The following KIF2A variants were observed in gnomAD, a reference collection of about 807,000 sequenced individuals.
KIF2A encodes kinesin-like protein KIF2A.
Under a neutral mutation model 100.2 loss-of-function variants are expected in KIF2A, and 22 were observed. The ratio of observed to expected loss-of-function variants is 0.22; its 90% CI spans 0.16 to 0.31. The LOEUF (loss-of-function observed/expected upper bound fraction) is 0.31, where lower values mean the gene tolerates loss of function less well. Among genes scored for constraint, KIF2A ranks in the 10% least tolerant of loss-of-function variants. The pLI, the probability that KIF2A is intolerant of heterozygous loss-of-function variation, is 1.00. For synonymous variants in KIF2A, 268 were observed against 285.9 expected, an observed-to-expected ratio of 0.94 and a Z score of 0.63; for missense variants, 495 against 898.7, an observed-to-expected ratio of 0.55 and a Z score of 5.74.
chr5:62,306,491 G>C lies in KIF2A; in HGVS notation c.19G>C (p.Gly7Arg), dbSNP rs552269440. Reference protein sequence around the residue: MATANFGKIQIGIYVEI... With the variant: MATANFRKIQIGIYVEI... ...TGAGGTGATGGCAACGGCCAACTTC[G>C]GCAAGATCCAGATCGGGATTTACGT... Residue 7 changes from glycine to arginine, a missense_variant, in exon 1 of 21, where the codon GGC (glycine) becomes CGC (arginine). Around this residue, in one of 10 missense-constraint regions of KIF2A, gnomAD observed 26 missense variants for 16.4 expected, o/e 1.59. Coordinates refer to ENST00000407818, the MANE Select transcript of KIF2A (RefSeq NM_001098511.3). 1.1e-5 allele frequency: 17 copies of C among 1,545,498 alleles called. No homozygotes were observed. The East Asian group carries it at 2.7e-4, about 25-fold the overall frequency.
intron 1 of KIF2A, among the ~76,000 whole-genome samples, chr5:62,315,953 A>G (rs1451308610): frequency 6.6e-6 from 1 of 152,222 alleles, no homozygotes; most frequent in Non-Finnish European, 1.5e-5. Flanking sequence ...TAAAGGGCAG[A>G]TGAGTTGAAA....
At chr5:62,348,433 G>C (rs893752236) in intron 3 of KIF2A, among the ~76,000 whole-genome samples, 5 of 152,150 alleles carry the variant, frequency 3.3e-5, no homozygotes, top group African/African-American at 1.2e-4. Context: ...AGGAGATATA[G>C]ATCAAAACCA....
chr5:62,335,669 C>T (rs264523), intron 1 of KIF2A, among the ~76,000 whole-genome samples: 78,005 of 151,906 alleles, frequency 0.51, 20,957 homozygotes, highest in South Asian at 0.65. Flanking sequence ...ATTGCCAGCT[C>T]CTCCTCACCA....
At chr5:62,382,820 T>C (rs2112011504) in intron 20 of KIF2A, among the ~76,000 whole-genome samples, 1 of 151,670 alleles carries the variant, frequency 6.6e-6, no homozygotes, top group African/African-American at 2.4e-5. Flanking sequence ...CTAGACGGGG[T>C]TTCACCATGT....
rs1580118133 is a variant in KIF2A, at chr5:62,390,319, A to G, written c.*4750A>G. 1.3e-5 allele frequency among the ~76,000 whole-genome samples: 2 copies of G among 152,300 alleles called. No individual in the cohort carries two copies. Among genetic ancestry groups the G allele is most frequent in the East Asian group, 3.9e-4 (2 of 5,182 alleles). On this transcript the variant is annotated 3_prime_UTR_variant, in exon 21 of 21. Coordinates refer to ENST00000407818, the MANE Select transcript of KIF2A (RefSeq NM_001098511.3). ...TCAAGCAAAACAAATTTTGGTCTAA[A>G]TTACCTAGATAATTATGACAGCTTT...
chr5:62,313,756 A>T (rs923150723), intron 1 of KIF2A, among the ~76,000 whole-genome samples: 1 of 151,922 alleles, frequency 6.6e-6, no homozygotes, highest in Non-Finnish European at 1.5e-5. Context: ...TCTAGTACCT[A>T]TTTGAGTTAT....
intron 14 of KIF2A, among the ~76,000 whole-genome samples, chr5:62,364,671 T>A (rs1740984106): frequency 6.6e-6 from 1 of 152,224 alleles, no homozygotes; most frequent in Non-Finnish European, 1.5e-5. Context: ...TTTACAGTTA[T>A]CCTACTGCCT....
At chr5:62,354,117 T>C (rs141925981) in intron 6 of KIF2A, among the ~76,000 whole-genome samples, 39 of 152,316 alleles carry the variant, frequency 2.6e-4, no homozygotes, top group African/African-American at 9.4e-4. Context: ...GTTGTGGAAT[T>C]GTGGACCTAG....
chr5:62,338,245 TAAC>T (rs1353859668), intron 1 of KIF2A, among the ~76,000 whole-genome samples: 1 of 152,186 alleles, frequency 6.6e-6, no homozygotes, highest in East Asian at 1.9e-4. Flanking sequence ...CATATAAAAA[TAAC>T]AAAATGCCAA....
intron 18 of KIF2A, among the ~76,000 whole-genome samples, chr5:62,374,107 C>A (rs1190319633): frequency 6.6e-6 from 1 of 152,098 alleles, no homozygotes. Context: ...AGCTACTAGG[C>A]AGGCTGAGGT....
intron 11 of KIF2A, chr5:62,362,223 A>G: frequency 6.0e-6 from 1 of 167,346 alleles, no homozygotes; most frequent in Non-Finnish European, 1.3e-5. Flanking sequence ...TTATAAATAT[A>G]AATATTAATA....
intron 1 of KIF2A, among the ~76,000 whole-genome samples, chr5:62,330,286 G>A (rs1270463243): frequency 1.3e-5 from 2 of 152,150 alleles, no homozygotes; most frequent in Non-Finnish European, 2.9e-5. Context: ...AGAAGGCAGA[G>A]GTTTCAGTGA....
intron 1 of KIF2A, among the ~76,000 whole-genome samples, chr5:62,322,132 A>G (rs777267137): frequency 7.3e-5 from 11 of 150,698 alleles, no homozygotes; most frequent in Non-Finnish European, 1.5e-4. Flanking sequence ...AGGTCTCACT[A>G]TGTTACCCAG....
intron 1 of KIF2A, chr5:62,306,840 A>C (rs541319871): frequency 4.2e-4 from 163 of 383,654 alleles, no homozygotes; most frequent in African/African-American, 3.3e-3. Context: ...CTCCTCCCGC[A>C]ATCTCCAGCC....
intron 1 of KIF2A, among the ~76,000 whole-genome samples, chr5:62,320,800 C>G (rs891765058): frequency 7.6e-5 from 11 of 144,802 alleles, no homozygotes; most frequent in South Asian, 2.3e-4. Flanking sequence ...CCTAAAGAGC[C>G]CTTTAAAGTG....
chr5:62,378,490 C>T (rs1267841878), intron 19 of KIF2A, among the ~76,000 whole-genome samples: 1 of 152,120 alleles, frequency 6.6e-6, no homozygotes, highest in Non-Finnish European at 1.5e-5. Context: ...GACTTGTATT[C>T]CTTCTTTGAT....
intron 1 of KIF2A, among the ~76,000 whole-genome samples, chr5:62,330,842 T>TGCCAATTACTTAGTTTCCTGCCAATTA (rs1491320440): frequency 6.6e-6 from 1 of 152,216 alleles, no homozygotes; most frequent in Non-Finnish European, 1.5e-5. Flanking sequence ...TAGATTTTCC[T>TGCCAATTACTTAGTTTCCTGCCAATTA]ATTAGTTTTC....
At chr5:62,360,157 A>C (rs781634170) in intron 9 of KIF2A, among the ~76,000 whole-genome samples, 1 of 147,660 alleles carries the variant, frequency 6.8e-6, no homozygotes, top group Admixed American at 6.8e-5. Flanking sequence ...CGTTCAGCTA[A>C]TTTTGTATTT....
At chr5:62,382,163 C>T (rs1054682646) in intron 20 of KIF2A, among the ~76,000 whole-genome samples, 3 of 151,852 alleles carry the variant, frequency 2.0e-5, no homozygotes, top group Admixed American at 6.6e-5. Context: ...TTAAGGAGGC[C>T]CTCTGTGATG....
Sources: gnomAD v4.1 joint callset for allele counts (sites outside exome capture counted in the v4.1 genomes callset) on GRCh38, gnomAD v4.1.1 for gene constraint, gnomAD v4.1.1 regional missense constraint, MANE v1.5 for transcripts, NCBI Gene and HGNC (gene_info 2026-07-23, HGNC 2026-07-21) for gene names.